The following FRMPD4 variants were observed in gnomAD, a reference collection of about 807,000 sequenced individuals.
FRMPD4 encodes the protein FERM and PDZ domain-containing protein 4.
A neutral mutation model predicts 94.1 loss-of-function variants in FRMPD4; 22 were observed. The observed-to-expected ratio is 0.23, with a 90% CI of 0.17 to 0.33. The LOEUF is 0.33. Ranked by LOEUF, FRMPD4 falls within the 10% of genes least tolerant of loss-of-function variation. FRMPD4 has a pLI of 1.00. For synonymous variants in FRMPD4, 631 were observed against 548.6 expected (o/e 1.15, Z -2.10); for missense variants, 1,111 against 1,339.9 (o/e 0.83, Z 2.67).
chrX:12,647,713 T>C (rs1457711351), intron 4 of FRMPD4, among the ~76,000 whole-genome samples: 3 of 112,126 alleles, frequency 2.7e-5, no homozygotes, highest in African/African-American at 9.7e-5. Context: ...TGTGACCACG[T>C]TGAAAGGAGG....
In FRMPD4 at chrX:12,339,572, C is replaced by G. The variant is rs188184075; in HGVS notation, c.42-159108C>G. ...AGTAAGAGATCAGGCATAGTCTGACCAAATTCTTGCTTATATACCACAGCA... is the reference window on the plus strand; with the variant it reads ...AGTAAGAGATCAGGCATAGTCTGACGAAATTCTTGCTTATATACCACAGCA... On this transcript the variant is annotated intron_variant, in intron 1 of 16. Transcript: ENST00000675598. 6.5e-4 allele frequency among the ~76,000 whole-genome samples: 72 copies of G among 111,251 alleles called. 1 individual carries two copies. The highest frequency in any genetic ancestry group is 2.3e-3 in the African/African-American group (70 of 30,615).
rs776183503 is a variant in FRMPD4, at chrX:12,615,156, AT to A, written c.422+281del. Among the ~76,000 whole-genome samples, 6 of 112,367 alleles carry A rather than the reference AT, an allele frequency of 5.3e-5. No individual in the cohort carries two copies. The Admixed American group carries it at 5.6e-4, about 11-fold the overall frequency. On this transcript the variant is annotated intron_variant, in intron 4 of 16. Coordinates refer to ENST00000675598, the MANE Select transcript of FRMPD4 (RefSeq NM_001368397.1). ...TTATGACTCCTATATCCAAAGGTTC[AT>A]TTTTTCCTTCCAGAATTACTAACAC...
At chrX:12,393,527 T>A (rs1374704666) in intron 1 of FRMPD4, among the ~76,000 whole-genome samples, 1 of 111,997 alleles carries the variant, frequency 8.9e-6, no homozygotes, top group Non-Finnish European at 1.9e-5. Context: ...GAACTGTAAA[T>A]TTCTAAAGAG....
chrX:11,978,295 C>T (rs1294857995), intron 3 of FRMPD4, among the ~76,000 whole-genome samples: 2 of 79,125 alleles, frequency 2.5e-5, no homozygotes, highest in Non-Finnish European at 4.5e-5. Context: ...GTACTCCAGC[C>T]TGGATGACAG....
intron 3 of FRMPD4, among the ~76,000 whole-genome samples, chrX:11,932,330 C>T (rs970992270): frequency 1.8e-5 from 2 of 111,801 alleles, no homozygotes; most frequent in Admixed American, 9.5e-5. Flanking sequence ...ATTCTTCATT[C>T]GTAAATCACA....
intron 3 of FRMPD4, among the ~76,000 whole-genome samples, chrX:12,077,729 T>C (rs2055031517): frequency 9.0e-6 from 1 of 110,855 alleles, no homozygotes; most frequent in Non-Finnish European, 1.9e-5. Context: ...TACCATTTTA[T>C]GCTGTTCCTC....
chrX:12,332,089 T>A (rs182258505), intron 1 of FRMPD4, among the ~76,000 whole-genome samples: 9,255 of 60,710 alleles, frequency 0.15, 734 homozygotes, highest in Non-Finnish European at 0.2. Flanking sequence ...ATATAATTTA[T>A]ATTATATATA....
intron 3 of FRMPD4, among the ~76,000 whole-genome samples, chrX:12,013,835 C>T (rs988536790): frequency 8.9e-6 from 1 of 112,883 alleles, no homozygotes; most frequent in African/African-American, 3.2e-5. Flanking sequence ...GCCAACTTGG[C>T]ATTATTAGGA....
At chrX:11,928,659 G>A (rs1362515062) in intron 3 of FRMPD4, among the ~76,000 whole-genome samples, 1 of 112,478 alleles carries the variant, frequency 8.9e-6, no homozygotes, top group Non-Finnish European at 1.9e-5. Flanking sequence ...TACACTGTTG[G>A]TTGGAGTGTA....
intron 1 of FRMPD4, among the ~76,000 whole-genome samples, chrX:12,365,633 C>T (rs951614536): frequency 1.8e-5 from 2 of 111,637 alleles, no homozygotes; most frequent in African/African-American, 6.5e-5. Flanking sequence ...CCCACGATTT[C>T]ATGGCCTATA....
At chrX:11,844,816 A>G (rs1028099833) in intron 1 of FRMPD4, among the ~76,000 whole-genome samples, 2 of 111,371 alleles carry the variant, frequency 1.8e-5, no homozygotes, top group African/African-American at 6.5e-5. Flanking sequence ...TCTCTCTTTG[A>G]TGATTCTGTT....
At chrX:12,285,379 G>T (rs145371416) in intron 1 of FRMPD4, among the ~76,000 whole-genome samples, 2,000 of 111,714 alleles carry the variant, frequency 0.018, 49 homozygotes, top group African/African-American at 0.062. Flanking sequence ...TTAATGGTGG[G>T]GCAGGGTTGG....
intron 3 of FRMPD4, among the ~76,000 whole-genome samples, chrX:11,931,240 GTTAT>G (rs1213867826): frequency 8.9e-6 from 1 of 111,979 alleles, no homozygotes; most frequent in Non-Finnish European, 1.9e-5. Flanking sequence ...GGCTTATTTA[GTTAT>G]TTATTACTGC....
intron 2 of FRMPD4, among the ~76,000 whole-genome samples, chrX:12,563,239 TACACACAC>T (rs369700317): frequency 6.2e-4 from 60 of 97,261 alleles, no homozygotes; most frequent in African/African-American, 1.8e-3. Flanking sequence ...TGTAAGTGTG[TACACACAC>T]ACACACACAC....
intron 1 of FRMPD4, among the ~76,000 whole-genome samples, chrX:12,348,857 A>C (rs1418618476): frequency 8.9e-6 from 1 of 112,382 alleles, no homozygotes; most frequent in Non-Finnish European, 1.9e-5. Flanking sequence ...ACAACAACAA[A>C]AAAAATGCAA....
chrX:11,973,282 G>A (rs1054494131), intron 3 of FRMPD4, among the ~76,000 whole-genome samples: 1 of 112,310 alleles, frequency 8.9e-6, no homozygotes, highest in Non-Finnish European at 1.9e-5. Flanking sequence ...TTGCTCAAAC[G>A]TGTTATAAAA....
At chrX:12,359,046 T>C (rs1200812703) in intron 1 of FRMPD4, among the ~76,000 whole-genome samples, 1 of 112,136 alleles carries the variant, frequency 8.9e-6, no homozygotes, top group Non-Finnish European at 1.9e-5. Flanking sequence ...GAAGCTATCA[T>C]CAATGCTAGA....
intron 2 of FRMPD4, among the ~76,000 whole-genome samples, chrX:12,555,611 A>C (rs192494418): frequency 1.8e-5 from 2 of 111,850 alleles, no homozygotes; most frequent in African/African-American, 3.3e-5. Flanking sequence ...AGGAAAAAGT[A>C]GGTACTTAGA....
intron 1 of FRMPD4, among the ~76,000 whole-genome samples, chrX:12,200,402 CA>C (rs1164862111): frequency 8.9e-6 from 1 of 111,941 alleles, no homozygotes; most frequent in Non-Finnish European, 1.9e-5. Context: ...AAGTATGGAT[CA>C]TTCACACAAT....
Sources: gnomAD v4.1 joint callset for allele counts (sites outside exome capture counted in the v4.1 genomes callset) on GRCh38, gnomAD v4.1.1 for gene constraint, MANE v1.5 for transcripts, NCBI Gene and HGNC (gene_info 2026-07-23, HGNC 2026-07-21) for gene names.